IMMP2L: variants seen among roughly 807,000 people sequenced by gnomAD.
IMMP2L encodes mitochondrial inner membrane protease subunit 2.
In IMMP2L, 18 loss-of-function variants were observed where a neutral mutation model predicts 19.3. The ratio of observed to expected loss-of-function variants is 0.93; its 90% confidence interval spans 0.64 to 1.38. IMMP2L has a LOEUF of 1.38. IMMP2L is among the 40% of genes most tolerant of loss of function. The pLI is 0.00. For missense variants in IMMP2L, 233 were observed against 218.2 expected, an observed-to-expected ratio of 1.07 and a Z score of -0.43; for synonymous variants, 76 against 73.0, an observed-to-expected ratio of 1.04 and a Z score of -0.21.
chr7:110,858,744 C>T (rs1298757010), intron 5 of IMMP2L, among the ~76,000 whole-genome samples: 1 of 151,654 alleles, frequency 6.6e-6, no homozygotes, highest in Non-Finnish European at 1.5e-5. Context: ...CTAATGCTAT[C>T]CCTCCCTCCT....
chr7:111,077,400 A>C (rs1795506171), intron 3 of IMMP2L, among the ~76,000 whole-genome samples: 1 of 152,216 alleles, frequency 6.6e-6, no homozygotes, highest in Admixed American at 6.5e-5. Flanking sequence ...CCCGCCTCTC[A>C]CTTTATAGCA....
rs190858752 is a variant in IMMP2L at position 111,190,435 on chromosome 7, A to G, written c.240-226870T>C. Among the ~76,000 whole-genome samples, 879 of 152,272 alleles carry G rather than the reference A, an allele frequency of 5.8e-3. 5 individuals are homozygous for G. The highest frequency in any genetic ancestry group is 0.012 in the South Asian group (56 of 4,826). ...ATACTTTTAGATTTGTCCGAAGGGA[A>G]AACTATTTTTATTTTGCATAAAATA... is the stretch of plus-strand genomic sequence containing the variant. On this transcript the variant is annotated intron_variant, in intron 3 of 5. Coordinates refer to ENST00000405709, the MANE Select transcript of IMMP2L (RefSeq NM_032549.4).
At chr7:110,893,117 CA>C (rs1810975982) in intron 4 of IMMP2L, among the ~76,000 whole-genome samples, 1 of 152,034 alleles carries the variant, frequency 6.6e-6, no homozygotes, top group African/African-American at 2.4e-5. Context: ...CTAGTGCTTA[CA>C]AAAATTATGT....
chr7:111,472,147 T>G (rs1329035352), intron 3 of IMMP2L, among the ~76,000 whole-genome samples: 1 of 152,164 alleles, frequency 6.6e-6, no homozygotes, highest in Non-Finnish European at 1.5e-5. Context: ...TTAACGTATG[T>G]CAACTCACGA....
chr7:111,282,780 C>T (rs1820042030), intron 3 of IMMP2L, among the ~76,000 whole-genome samples: 1 of 152,054 alleles, frequency 6.6e-6, no homozygotes, highest in Admixed American at 6.6e-5. Flanking sequence ...GACTGGGTTT[C>T]ACCATGTTGG....
At chr7:111,419,161 T>C (rs1835236574) in intron 3 of IMMP2L, among the ~76,000 whole-genome samples, 1 of 151,756 alleles carries the variant, frequency 6.6e-6, no homozygotes, top group African/African-American at 2.4e-5. Context: ...TGTAGAATAA[T>C]GTTATTCCAA....
At chr7:111,203,833 A>G (rs980511395) in intron 3 of IMMP2L, among the ~76,000 whole-genome samples, 1 of 151,948 alleles carries the variant, frequency 6.6e-6, no homozygotes, top group Non-Finnish European at 1.5e-5. Flanking sequence ...CAAATATTTG[A>G]AAAAAAATCA....
chr7:111,433,044 A>G (rs1313602602), intron 3 of IMMP2L, among the ~76,000 whole-genome samples: 3 of 151,716 alleles, frequency 2.0e-5, no homozygotes, highest in Admixed American at 1.3e-4. Flanking sequence ...TCATGCTGCT[A>G]TGAAGAAACC....
intron 3 of IMMP2L, among the ~76,000 whole-genome samples, chr7:111,321,210 C>T (rs545857003): frequency 6.6e-6 from 1 of 151,976 alleles, no homozygotes; most frequent in African/African-American, 2.4e-5. Context: ...TTATTTGCTC[C>T]TACGATAATA....
chr7:111,446,648 G>A (rs922074327), intron 3 of IMMP2L, among the ~76,000 whole-genome samples: 16 of 152,298 alleles, frequency 1.1e-4, no homozygotes, highest in South Asian at 2.1e-4. Flanking sequence ...AACACAGAGC[G>A]CCTCTCCTCC....
chr7:110,832,997 C>A (rs1689663255), intron 5 of IMMP2L, among the ~76,000 whole-genome samples: 1 of 152,182 alleles, frequency 6.6e-6, no homozygotes, highest in Non-Finnish European at 1.5e-5. Flanking sequence ...TAATGCCTCA[C>A]TCCCCTCTGC....
intron 4 of IMMP2L, among the ~76,000 whole-genome samples, chr7:110,958,800 C>T (rs576191188): frequency 1.3e-5 from 2 of 152,116 alleles, no homozygotes; most frequent in African/African-American, 4.8e-5. Flanking sequence ...TCAGGTAATT[C>T]AGACATGAGG....
intron 4 of IMMP2L, among the ~76,000 whole-genome samples, chr7:110,951,538 GGT>G (rs10598353): frequency 0.51 from 76,574 of 149,496 alleles, 19,843 homozygotes; most frequent in Non-Finnish European, 0.56. Context: ...ATGTATATAT[GGT>G]GTGTGTGTGT....
At chr7:111,534,521 CA>C (rs1178950009) in intron 1 of IMMP2L, among the ~76,000 whole-genome samples, 1 of 151,938 alleles carries the variant, frequency 6.6e-6, no homozygotes, top group Non-Finnish European at 1.5e-5. Flanking sequence ...TATTTATTTG[CA>C]ATGAAAGGAA....
intron 3 of IMMP2L, among the ~76,000 whole-genome samples, chr7:111,469,837 C>T (rs576656016): frequency 1.3e-5 from 2 of 152,178 alleles, no homozygotes; most frequent in South Asian, 4.1e-4. Context: ...GTCTAAAACA[C>T]CAAAAGCAAT....
intron 3 of IMMP2L, among the ~76,000 whole-genome samples, chr7:111,114,006 C>T (rs1456815653): frequency 1.3e-5 from 2 of 152,110 alleles, no homozygotes; most frequent in African/African-American, 4.8e-5. Context: ...TTAAATCCCT[C>T]TAAATATCTA....
chr7:111,515,998 T>C (rs1845840083), intron 2 of IMMP2L, among the ~76,000 whole-genome samples: 1 of 152,106 alleles, frequency 6.6e-6, no homozygotes, highest in South Asian at 2.1e-4. Context: ...AGTTATTATT[T>C]AGTGAAATGG....
chr7:111,494,451 CTG>C (rs1238457466), intron 2 of IMMP2L, among the ~76,000 whole-genome samples: 1 of 152,174 alleles, frequency 6.6e-6, no homozygotes, highest in Non-Finnish European at 1.5e-5. Flanking sequence ...TATTCTCTGT[CTG>C]TCTCTCTCAA....
chr7:111,141,224 A>C (rs1802850254), intron 3 of IMMP2L, among the ~76,000 whole-genome samples: 1 of 152,022 alleles, frequency 6.6e-6, no homozygotes, highest in Non-Finnish European at 1.5e-5. Context: ...TATAATACTA[A>C]TGTTTACTTT....
Sources: allele counts gnomAD v4.1 joint callset (sites outside exome capture counted in the v4.1 genomes callset), GRCh38; gene constraint gnomAD v4.1.1; transcripts MANE v1.5; gene names NCBI Gene and HGNC (gene_info 2026-07-23, HGNC 2026-07-21).